Variants in TMEM117 observed in about 807,000 individuals in gnomAD.
TMEM117 encodes the protein transmembrane protein 117.
A neutral mutation model predicts 52.4 loss-of-function variants in TMEM117; 27 were observed. That is an observed-to-expected ratio of 0.51 (90% CI 0.38 to 0.71). The LOEUF (loss-of-function observed/expected upper bound fraction) is 0.71. Among genes scored for constraint, TMEM117 ranks in the 30% least tolerant of loss-of-function variants. The probability of loss-of-function intolerance (pLI) is 0.00; values close to 1 mark genes in which losing one functional copy is unlikely to be tolerated. For missense variants in TMEM117, 556 were observed against 630.5 expected (o/e 0.88, Z 1.26); for synonymous variants, 215 against 206.3 (o/e 1.04, Z -0.36).
At chr12:44,257,702 T>C (rs983029805) in intron 5 of TMEM117, among the ~76,000 whole-genome samples, 12 of 152,132 alleles carry the variant, frequency 7.9e-5, no homozygotes, top group African/African-American at 2.7e-4. Context: ...GACACCCATG[T>C]CTCTGGTGCT....
the TMEM117 span, chr12:43,805,572 A>T: frequency 6.5e-6 from 3 of 462,466 alleles, no homozygotes; most frequent in Admixed American, 7.0e-5. Context: ...GTCAGATATA[A>T]CTGCATATTG....
chr12:44,215,732 A>ATTTTT (rs1198555409), intron 5 of TMEM117, among the ~76,000 whole-genome samples: 1 of 149,492 alleles, frequency 6.7e-6, no homozygotes, highest in Non-Finnish European at 1.5e-5. Context: ...CTTTTTTTAA[A>ATTTTT]AAAAAAAAAG....
intron 6 of TMEM117, among the ~76,000 whole-genome samples, chr12:44,325,485 A>G (rs1480604081): frequency 6.6e-6 from 1 of 150,822 alleles, no homozygotes; most frequent in Non-Finnish European, 1.5e-5. Flanking sequence ...TTTCTCAACT[A>G]TTTATATTTA....
chr12:44,089,310 T>TTCA (rs1161982389), intron 3 of TMEM117, among the ~76,000 whole-genome samples: 2 of 152,164 alleles, frequency 1.3e-5, no homozygotes, highest in Admixed American at 1.3e-4. Flanking sequence ...AAAATGGTAA[T>TTCA]ATCTTCTAAA....
At chr12:44,026,048 C>T (rs1234932451) in intron 3 of TMEM117, among the ~76,000 whole-genome samples, 3 of 152,168 alleles carry the variant, frequency 2.0e-5, no homozygotes, top group Non-Finnish European at 2.9e-5. Context: ...CTACCCTCTG[C>T]ACTGGAAACC....
chr12:43,934,381 A>G (rs2137588572), intron 2 of TMEM117, among the ~76,000 whole-genome samples: 1 of 152,300 alleles, frequency 6.6e-6, no homozygotes, highest in East Asian at 1.9e-4. Context: ...GCCAAATAGT[A>G]ATAGTAAAAT....
At chr12:44,187,420 G>A (rs1464206079) in intron 4 of TMEM117, among the ~76,000 whole-genome samples, 1 of 152,114 alleles carries the variant, frequency 6.6e-6, no homozygotes, top group African/African-American at 2.4e-5. Flanking sequence ...AACTTGTGCT[G>A]TTAGCCTGAT....
At chr12:44,311,875 A>ATATG (rs1950992498) in intron 6 of TMEM117, among the ~76,000 whole-genome samples, 1 of 127,914 alleles carries the variant, frequency 7.8e-6, no homozygotes, top group African/African-American at 3.7e-5. Context: ...ATGTATATAT[A>ATATG]TGTATATATG....
intron 3 of TMEM117, among the ~76,000 whole-genome samples, chr12:44,076,783 A>G (rs1018813747): frequency 6.6e-6 from 1 of 152,192 alleles, no homozygotes. Flanking sequence ...ATGGTAGTAG[A>G]TAATGAACTA....
At chr12:44,030,608 T>A (rs1592455982) in intron 3 of TMEM117, among the ~76,000 whole-genome samples, 1 of 152,304 alleles carries the variant, frequency 6.6e-6, no homozygotes, top group East Asian at 1.9e-4. Flanking sequence ...GAATGTGGAT[T>A]TTTCTTGCCT....
chr12:44,338,825 A>G (rs915153316), intron 6 of TMEM117, among the ~76,000 whole-genome samples: 10 of 152,112 alleles, frequency 6.6e-5, no homozygotes, highest in Admixed American at 1.3e-4. Flanking sequence ...TTGGCAGACA[A>G]CAGAAACCAA....
At chr12:43,857,747 T>G (rs1943425410) in intron 2 of TMEM117, among the ~76,000 whole-genome samples, 1 of 152,244 alleles carries the variant, frequency 6.6e-6, no homozygotes, top group Admixed American at 6.5e-5. Context: ...TTTCCTTTTA[T>G]CTTTTATTAA....
intron 3 of TMEM117, among the ~76,000 whole-genome samples, chr12:44,120,208 CA>C (rs934459641): frequency 1.1e-4 from 16 of 152,030 alleles, no homozygotes; most frequent in Non-Finnish European, 1.5e-5. Flanking sequence ...AAAAATACTT[CA>C]AATTAGTAGG....
In TMEM117 at chr12:44,136,942, G is replaced by A. The variant is rs73288088; in HGVS notation, c.411-6583G>A. ...TTGATGTTTGCTTTTATTTTATCTT[G>A]TATTGCAAATCCTTGTTTTTACCTT... On this transcript the variant is annotated intron_variant, in intron 3 of 7. Coordinates refer to ENST00000266534, the MANE Select transcript of TMEM117 (RefSeq NM_032256.3). Among the ~76,000 whole-genome samples the A allele has an allele frequency of 6.9e-3, 1,041 of 151,968 alleles. 14 individuals carry two copies. Among genetic ancestry groups the A allele is most frequent in the African/African-American group, 0.024 (996 of 41,462 alleles).
intron 3 of TMEM117, among the ~76,000 whole-genome samples, chr12:44,044,977 GAT>G (rs1390572341): frequency 6.6e-6 from 1 of 152,232 alleles, no homozygotes; most frequent in Non-Finnish European, 1.5e-5. Flanking sequence ...TTGGGGAAGA[GAT>G]ATGTGGATGG....
the TMEM117 span, among the ~76,000 whole-genome samples, chr12:43,827,042 T>C: frequency 6.6e-6 from 1 of 151,238 alleles, no homozygotes; most frequent in African/African-American, 2.4e-5. Flanking sequence ...AAAATACATT[T>C]AATCTAGTAT....
intron 3 of TMEM117, among the ~76,000 whole-genome samples, chr12:44,095,628 G>A (rs995320367): frequency 6.6e-6 from 1 of 152,016 alleles, no homozygotes; most frequent in African/African-American, 2.4e-5. Context: ...AAGATGAATA[G>A]GAGAGAGAGA....
intron 3 of TMEM117, among the ~76,000 whole-genome samples, chr12:44,021,658 A>G (rs1946457676): frequency 6.6e-6 from 1 of 152,224 alleles, no homozygotes; most frequent in South Asian, 2.1e-4. Flanking sequence ...CTAACCACAG[A>G]TAAGACAAAC....
intron 4 of TMEM117, among the ~76,000 whole-genome samples, chr12:44,197,510 GA>G (rs1949436889): frequency 6.6e-6 from 1 of 151,866 alleles, no homozygotes; most frequent in African/African-American, 2.4e-5. Context: ...CATGCTAGAA[GA>G]TGGTGTAAAT....
Sources: allele counts gnomAD v4.1 joint callset (sites outside exome capture counted in the v4.1 genomes callset), GRCh38; gene constraint gnomAD v4.1.1; transcripts MANE v1.5; gene names NCBI Gene and HGNC (gene_info 2026-07-23, HGNC 2026-07-21).